DPP10: variants seen among roughly 807,000 people sequenced by gnomAD.
DPP10 encodes the protein inactive dipeptidyl peptidase 10.
Under a neutral mutation model 120.9 loss-of-function variants are expected in DPP10, and 33 were observed. The observed-to-expected ratio is 0.27, with a 90% confidence interval of 0.21 to 0.37. The LOEUF is 0.37. Ranked by LOEUF, DPP10 falls within the 10% of genes least tolerant of loss-of-function variation. The pLI is 1.00. For synonymous variants in DPP10, 337 were observed against 326.1 expected, an observed-to-expected ratio of 1.03 and a Z score of -0.36; for missense variants, 816 against 942.8, an observed-to-expected ratio of 0.87 and a Z score of 1.76.
chr2:114,778,310 A>C lies in DPP10; in HGVS notation c.60+335472A>C, dbSNP rs554950337. Among the ~76,000 whole-genome samples, 6 of 151,724 alleles carry C rather than the reference A, an allele frequency of 4.0e-5. No homozygotes were observed. The South Asian group carries it at 1.0e-3, about 26-fold the overall frequency. Reference sequence around the variant, plus strand: ...CAAAACATTTGGCTTATTAAAACTCAAGTGTCATGGCTCATAGCCGAGACC... The same window carrying C: ...CAAAACATTTGGCTTATTAAAACTCCAGTGTCATGGCTCATAGCCGAGACC... On this transcript the variant is annotated intron_variant, in intron 1 of 25. Transcript: ENST00000410059.
intron 5 of DPP10, among the ~76,000 whole-genome samples, chr2:115,531,453 A>G (rs930256228): frequency 2.0e-5 from 3 of 152,060 alleles, no homozygotes; most frequent in Non-Finnish European, 2.9e-5. Context: ...ATTTAAGAGC[A>G]ATGATCTACC....
intron 1 of DPP10, among the ~76,000 whole-genome samples, chr2:114,768,550 C>G (rs1402498266): frequency 6.6e-6 from 1 of 152,122 alleles, no homozygotes. Flanking sequence ...ATTTTAAGGG[C>G]TCGTGTTATT....
At chr2:115,385,209 C>T (rs138550495) in intron 3 of DPP10, among the ~76,000 whole-genome samples, 60 of 152,208 alleles carry the variant, frequency 3.9e-4, no homozygotes, top group Non-Finnish European at 7.9e-4. Context: ...ATCCTCATTC[C>T]GGAGGGGTCC....
chr2:115,717,107 C>G (rs2149595292), intron 7 of DPP10, among the ~76,000 whole-genome samples: 1 of 152,262 alleles, frequency 6.6e-6, no homozygotes, highest in African/African-American at 2.4e-5. Flanking sequence ...GGGAGGGACA[C>G]CTACCTGGGA....
At chr2:114,693,737 C>G (rs1352480788) in intron 1 of DPP10, among the ~76,000 whole-genome samples, 1 of 151,868 alleles carries the variant, frequency 6.6e-6, no homozygotes, top group Non-Finnish European at 1.5e-5. Context: ...GGTTCTGTCT[C>G]TTTACATAAT....
At chr2:115,713,925 C>T (rs1396946223) in intron 7 of DPP10, among the ~76,000 whole-genome samples, 3 of 152,096 alleles carry the variant, frequency 2.0e-5, no homozygotes, top group Non-Finnish European at 4.4e-5. Flanking sequence ...TGACACCTGC[C>T]CCAGAAGTCC....
intron 5 of DPP10, among the ~76,000 whole-genome samples, chr2:115,651,110 A>G (rs963329553): frequency 1.3e-5 from 2 of 152,068 alleles, no homozygotes; most frequent in African/African-American, 4.8e-5. Flanking sequence ...ACTTGAGAGA[A>G]GGGTCTGAGT....
At chr2:114,756,003 C>T (rs1363669240) in intron 1 of DPP10, among the ~76,000 whole-genome samples, 1 of 148,530 alleles carries the variant, frequency 6.7e-6, no homozygotes, top group Non-Finnish European at 1.5e-5. Flanking sequence ...CAACCCTGAC[C>T]TAAGAGAGGC....
At chr2:115,132,385 A>C (rs561459151) in intron 1 of DPP10, among the ~76,000 whole-genome samples, 1 of 152,258 alleles carries the variant, frequency 6.6e-6, no homozygotes, top group South Asian at 2.1e-4. Context: ...TGGCCGCATT[A>C]ATGGAGATTC....
chr2:115,575,291 G>C (rs1558871601), intron 5 of DPP10, among the ~76,000 whole-genome samples: 1 of 152,098 alleles, frequency 6.6e-6, no homozygotes, highest in African/African-American at 2.4e-5. Flanking sequence ...TGATTCATTG[G>C]ATAAAATATA....
intron 1 of DPP10, among the ~76,000 whole-genome samples, chr2:114,581,117 A>G (rs1690475052): frequency 1.3e-5 from 2 of 151,082 alleles, no homozygotes. Context: ...TGGAGTTAGA[A>G]GTTAACTTGC....
At chr2:115,689,153 T>C (rs762005322) in intron 5 of DPP10, among the ~76,000 whole-genome samples, 5 of 152,166 alleles carry the variant, frequency 3.3e-5, no homozygotes, top group African/African-American at 4.8e-5. Flanking sequence ...CTGTGCGAGA[T>C]GGATTTCAGT....
At chr2:115,030,109 C>G (rs902979623) in intron 1 of DPP10, among the ~76,000 whole-genome samples, 2 of 152,106 alleles carry the variant, frequency 1.3e-5, no homozygotes, top group African/African-American at 4.8e-5. Context: ...AATATGTTGT[C>G]TCTTCACCAT....
intron 1 of DPP10, among the ~76,000 whole-genome samples, chr2:114,809,946 A>G (rs1045815303): frequency 6.6e-6 from 1 of 152,138 alleles, no homozygotes; most frequent in African/African-American, 2.4e-5. Flanking sequence ...CCAAAGGCCT[A>G]TACTCAAAAC....
intron 1 of DPP10, among the ~76,000 whole-genome samples, chr2:115,193,941 T>C (rs576223576): frequency 6.6e-6 from 1 of 152,314 alleles, no homozygotes; most frequent in African/African-American, 2.4e-5. Context: ...GTGTGCTCTC[T>C]CTTACGATTT....
intron 5 of DPP10, among the ~76,000 whole-genome samples, chr2:115,592,398 G>C (rs1005525890): frequency 6.6e-6 from 1 of 151,982 alleles, no homozygotes; most frequent in African/African-American, 2.4e-5. Context: ...AAAGGTGTCA[G>C]CCTCTCAATC....
chr2:115,836,183 G>T lies in DPP10; in HGVS notation c.1977G>T (p.Met659Ile). 1.2e-6 allele frequency: 2 copies of T among 1,601,458 alleles called. No homozygotes were observed. Among genetic ancestry groups the T allele is most frequent in the Non-Finnish European group, 8.5e-7 (1 of 1,175,062 alleles). The change falls in exon 22 of 26, where the codon ATG becomes ATT. Residue 659 changes from methionine to isoleucine, a missense_variant. Met to Ile is a conservative substitution (Grantham distance 10). This residue lies in a region of DPP10 where 592 missense variants were observed against 649.0 expected (regional missense o/e 0.91). Transcript: ENST00000410059. ...GTTATGGTGGCTATATTGCATCAAT[G>T]ATCTTAAAATCAGATGAAAAGCTTT... The part of the protein sequence containing the change: ...GKGYGGYIAS[M>I]ILKSDEKLFK...
rs1255341295 is a variant in DPP10, at chr2:115,233,055, T to C, written c.61-76184T>C. Reference sequence around the variant, plus strand: ...TCTATCGTCATCTTAATCTTGACTGTAGATTGACTGTTTTTGAATGGACTT... The same window carrying C: ...TCTATCGTCATCTTAATCTTGACTGCAGATTGACTGTTTTTGAATGGACTT... On this transcript the variant is annotated intron_variant, in intron 1 of 25. Transcript: ENST00000410059. Among the ~76,000 whole-genome samples the C allele has an allele frequency of 1.4e-4, 14 of 96,752 alleles. No homozygotes were observed. In the East Asian group the frequency reaches 4.1e-3, roughly 28 times the overall value. 63.5% of individuals were successfully genotyped at this position (96,752 alleles called of 152,430 possible). A position where few individuals can be genotyped will look rare whatever the true frequency, so the allele number is the denominator to read the frequency against.
intron 5 of DPP10, among the ~76,000 whole-genome samples, chr2:115,687,339 C>G (rs1015311810): frequency 8.6e-5 from 13 of 151,970 alleles, no homozygotes; most frequent in African/African-American, 3.1e-4. Context: ...AGTTAAAAAA[C>G]AGGAAGTATT....
Sources: gnomAD v4.1 joint callset for allele counts (sites outside exome capture counted in the v4.1 genomes callset) on GRCh38, gnomAD v4.1.1 for gene constraint, gnomAD v4.1.1 regional missense constraint, MANE v1.5 for transcripts, NCBI Gene and HGNC (gene_info 2026-07-23, HGNC 2026-07-21) for gene names.